TDP1: variants seen among roughly 807,000 people sequenced by gnomAD.
TDP1 encodes tyrosyl-DNA phosphodiesterase 1.
A neutral mutation model predicts 81.5 loss-of-function variants in TDP1; 64 were observed. The ratio of observed to expected loss-of-function variants is 0.79; its 90% CI spans 0.64 to 0.97. TDP1 has a LOEUF of 0.97. Ranked by LOEUF, TDP1 falls within the 50% of genes least tolerant of loss-of-function variation. The pLI is 0.00. For missense variants in TDP1, 723 were observed against 743.8 expected, an observed-to-expected ratio of 0.97 and a Z score of 0.33; for synonymous variants, 256 against 264.3, an observed-to-expected ratio of 0.97 and a Z score of 0.30.
chr14:90,021,892 CAG>C (rs34183311), intron 15 of TDP1, among the ~76,000 whole-genome samples: 3,898 of 152,318 alleles, frequency 0.026, 148 homozygotes, highest in African/African-American at 0.085. Flanking sequence ...TCTCAAAAAA[CAG>C]AGCCTGGAAC....
intron 2 of TDP1, among the ~76,000 whole-genome samples, chr14:89,961,192 G>A (rs1027862266): frequency 2.0e-5 from 3 of 152,204 alleles, no homozygotes; most frequent in Non-Finnish European, 4.4e-5. Flanking sequence ...ACATTTGAAT[G>A]AATTACAATT....
At chr14:89,980,279 G>T in intron 7 of TDP1, 1 of 985,432 alleles carries the variant, frequency 1.0e-6, no homozygotes, top group Non-Finnish European at 1.2e-6. Flanking sequence ...CAGGCTGGAG[G>T]GATGTGAAGT....
rs545234042 is a variant in TDP1 at position 89,968,574 on chromosome 14, T to C, written c.659+1152T>C. ...AGCTCAGCTGCATGCTAACCAGCTG[T>C]AAAAGAGGCTAGAAATGTCTTTTAG... On this transcript the variant is annotated intron_variant, in intron 5 of 16. Transcript: ENST00000335725. 1.9e-4 allele frequency among the ~76,000 whole-genome samples: 29 copies of C among 152,384 alleles called. No individual in the cohort carries two copies. In the South Asian group the frequency reaches 5.4e-3, roughly 28 times the overall value.
At position 89,980,547 on chromosome 14, in the gene TDP1, A is replaced by ATGC; in HGVS notation, c.807_809dup (p.Leu270dup). The ATGC allele has an allele frequency of 6.2e-7, 1 of 1,613,990 alleles. No individual in the cohort carries two copies. On this transcript the variant is annotated inframe_insertion, in exon 8 of 17. Transcript: ENST00000335725. ...CCTTTGCTGTTTTTAAAGGAAAATG[A>ATGC]TGCTGCTGCTCTATGAAGAAGGCCT...
At chr14:90,018,075 T>C (rs1885527437) in intron 14 of TDP1, among the ~76,000 whole-genome samples, 1 of 150,482 alleles carries the variant, frequency 6.6e-6, no homozygotes, top group South Asian at 2.1e-4. Flanking sequence ...AACAAACTTT[T>C]TTTTTTTTTT....
Position 90,043,385 on chromosome 14 carries a change from A to G in TDP1, c.*242A>G. The G allele has an allele frequency of 1.7e-6, 1 of 581,656 alleles. No homozygotes were observed. Among genetic ancestry groups the G allele is most frequent in the South Asian group, 2.1e-5 (1 of 48,428 alleles). The allele number at this position is 581,656 out of a possible 1,614,324, so 36.0% of individuals were successfully genotyped here. A position where few individuals can be genotyped will look rare whatever the true frequency, so the allele number is the denominator to read the frequency against. On this transcript the variant is annotated 3_prime_UTR_variant, in exon 17 of 17. Coordinates refer to ENST00000335725, the MANE Select transcript of TDP1 (RefSeq NM_018319.4). ...GGAAAGAAAATTAGTGAACTTCTCT[A>G]TGTTAAAAATACGTACTGCTTGAGT...
At chr14:89,984,826 C>T in intron 9 of TDP1, 143 bp downstream of exon 9, 1 of 1,564,604 alleles carries the variant, frequency 6.4e-7, no homozygotes, top group South Asian at 1.1e-5. Flanking sequence ...TGAGCAGATT[C>T]TATCACATCT....
chr14:90,016,970 C>A (rs1349878223), intron 14 of TDP1, among the ~76,000 whole-genome samples: 1 of 152,110 alleles, frequency 6.6e-6, no homozygotes, highest in Non-Finnish European at 1.5e-5. Context: ...ACACAAACCA[C>A]AGCACTTGGG....
chr14:89,998,423 T>G (rs1437730260), intron 14 of TDP1, among the ~76,000 whole-genome samples: 1 of 104,916 alleles, frequency 9.5e-6, no homozygotes, highest in African/African-American at 4.5e-5. Context: ...TATATATATA[T>G]GTATGTATGT....
chr14:89,982,775 C>G (rs1395376901), intron 8 of TDP1, among the ~76,000 whole-genome samples: 1 of 152,124 alleles, frequency 6.6e-6, no homozygotes, highest in East Asian at 1.9e-4. Context: ...GGTGTGGGAT[C>G]CTATTATTTC....
In TDP1 at chr14:90,043,116, G is replaced by T. The variant is rs75808917; in HGVS notation, c.1800G>T (p.Thr600=). 5 of 1,614,054 alleles carry T rather than the reference G, an allele frequency of 3.1e-6. No individual in the cohort carries two copies. The highest frequency in any genetic ancestry group is 1.3e-5 in the African/African-American group (1 of 74,928). ...WNIPYVKAPD[T]HGNMWVPS ...TTCCTTATGTCAAAGCACCGGATACGCATGGGAACATGTGGGTGCCCTCCT... is the reference window on the plus strand; with the variant it reads ...TTCCTTATGTCAAAGCACCGGATACTCATGGGAACATGTGGGTGCCCTCCT... The change falls in exon 17 of 17, where the codon ACG becomes ACT. Residue 600 remains threonine, a synonymous_variant. Coordinates refer to ENST00000335725, the MANE Select transcript of TDP1 (RefSeq NM_018319.4).
intron 14 of TDP1, among the ~76,000 whole-genome samples, chr14:90,002,083 C>T (rs920641630): frequency 6.6e-6 from 1 of 152,070 alleles, no homozygotes; most frequent in African/African-American, 2.4e-5. Context: ...AGGTAACATA[C>T]ACAATAAAAT....
intron 3 of TDP1, chr14:89,965,783 G>A: frequency 1.0e-6 from 1 of 985,094 alleles, no homozygotes; most frequent in Non-Finnish European, 1.2e-6. Context: ...TCTTGAGTTG[G>A]GAGATTTCCT....
chr14:90,024,324 C>T (rs962717055), intron 15 of TDP1, among the ~76,000 whole-genome samples: 42 of 152,200 alleles, frequency 2.8e-4, no homozygotes, highest in Admixed American at 3.9e-4. Flanking sequence ...CCACCTCTGC[C>T]TGCTGCACCT....
intron 11 of TDP1, 130 bp from the exon 12 acceptor site, chr14:89,989,587 T>C: frequency 9.0e-7 from 1 of 1,114,164 alleles, no homozygotes; most frequent in East Asian, 2.6e-5. Context: ...TGAGAACTTT[T>C]AAAAATTTAA....
At chr14:90,018,643 T>C (rs768863524) in intron 14 of TDP1, among the ~76,000 whole-genome samples, 4 of 151,928 alleles carry the variant, frequency 2.6e-5, no homozygotes, top group Non-Finnish European at 5.9e-5. Context: ...TTTAGAAATG[T>C]GGTTTTGCCA....
chr14:89,960,671 G>T (rs1335047355), intron 2 of TDP1, among the ~76,000 whole-genome samples: 1 of 152,194 alleles, frequency 6.6e-6, no homozygotes, highest in Non-Finnish European at 1.5e-5. Context: ...GTGTGTTCAT[G>T]CTGGGTAGGG....
rs533760085 is a variant in TDP1 at position 90,001,993 on chromosome 14, A to T, written c.1541+8510A>T. On this transcript the variant is annotated intron_variant, in intron 14 of 16. Transcript: ENST00000335725. ...TCTTACTCATCTTTTTCTGCTTAGC[A>T]TCTAACACTGCATGGCACATGGTTA... 4.9e-4 allele frequency among the ~76,000 whole-genome samples: 75 copies of T among 152,224 alleles called. 1 individual carries two copies. Among genetic ancestry groups the T allele is most frequent in the South Asian group, 4.4e-3 (21 of 4,826 alleles).
intron 14 of TDP1, among the ~76,000 whole-genome samples, chr14:89,998,420 A>ATATATATGTATGTATGTATGTATG (rs1566891293): frequency 3.8e-5 from 3 of 79,286 alleles, no homozygotes; most frequent in African/African-American, 1.3e-4. Context: ...ATATATATAT[A>ATATATATGTATGTATGTATGTATG]TATGTATGTA....
Sources: allele counts gnomAD v4.1 joint callset (sites outside exome capture counted in the v4.1 genomes callset), GRCh38; gene constraint gnomAD v4.1.1; transcripts MANE v1.5; gene names NCBI Gene and HGNC (gene_info 2026-07-23, HGNC 2026-07-21).